Variants in ZBTB20 observed in about 807,000 individuals in gnomAD.
The protein encoded by ZBTB20 is zinc finger and BTB domain-containing protein 20.
In ZBTB20, 9 loss-of-function variants were observed where a neutral mutation model predicts 56.9. The observed-to-expected ratio is 0.16, with a 90% CI of 0.10 to 0.28. ZBTB20 has a LOEUF of 0.28. Ranked by LOEUF, ZBTB20 falls within the 10% of genes least tolerant of loss-of-function variation. ZBTB20 has a pLI of 1.00. For missense variants in ZBTB20, 655 were observed against 1,003.0 expected (o/e 0.65, Z 4.69); for synonymous variants, 417 against 420.7 (o/e 0.99, Z 0.11).
At chr3:114,831,073 A>G (rs1233338047) in intron 4 of ZBTB20, among the ~76,000 whole-genome samples, 4 of 74,510 alleles carry the variant, frequency 5.4e-5, no homozygotes, top group African/African-American at 1.8e-4. Flanking sequence ...TATTTCTCTT[A>G]TGGTTTCTTT....
intron 4 of ZBTB20, among the ~76,000 whole-genome samples, chr3:114,828,181 T>C (rs1214557006): frequency 1.3e-5 from 2 of 151,762 alleles, no homozygotes; most frequent in African/African-American, 4.8e-5. Context: ...ATAGAATAAA[T>C]TTCAATTATT....
At chr3:114,651,594 C>T (rs971221938) in intron 6 of ZBTB20, among the ~76,000 whole-genome samples, 5 of 142,900 alleles carry the variant, frequency 3.5e-5, no homozygotes, top group Admixed American at 2.8e-4. Context: ...AAAGTCCTGA[C>T]ATTCTTTGAA....
intron 7 of ZBTB20, among the ~76,000 whole-genome samples, chr3:114,412,252 C>T (rs1003579692): frequency 6.6e-6 from 1 of 152,146 alleles, no homozygotes; most frequent in Non-Finnish European, 1.5e-5. Flanking sequence ...AAAATGGGAA[C>T]ATGAACAGTT....
chr3:115,105,240 G>C (rs1278522539), intron 1 of ZBTB20, among the ~76,000 whole-genome samples: 1 of 151,878 alleles, frequency 6.6e-6, no homozygotes, highest in African/African-American at 2.4e-5. Context: ...GTCAAGAACT[G>C]TTCTAAGTAC....
At chr3:114,384,214 T>C (rs2084797786) in intron 8 of ZBTB20, among the ~76,000 whole-genome samples, 2 of 151,312 alleles carry the variant, frequency 1.3e-5, no homozygotes, top group African/African-American at 4.9e-5. Flanking sequence ...TACACTCTGA[T>C]GAAGTCGCCC....
At chr3:114,909,408 G>C (rs951803331) in intron 3 of ZBTB20, among the ~76,000 whole-genome samples, 1 of 151,998 alleles carries the variant, frequency 6.6e-6, no homozygotes, top group Non-Finnish European at 1.5e-5. Context: ...TGTTTATAAA[G>C]TAAAACACTT....
chr3:114,982,137 T>C (rs1049391723), intron 2 of ZBTB20, among the ~76,000 whole-genome samples: 19 of 152,138 alleles, frequency 1.2e-4, no homozygotes, highest in South Asian at 2.1e-4. Context: ...TTTTTGGAAA[T>C]AGTTTTCATG....
At chr3:114,945,392 A>G (rs1394649707) in intron 3 of ZBTB20, among the ~76,000 whole-genome samples, 1 of 145,408 alleles carries the variant, frequency 6.9e-6, no homozygotes, top group Non-Finnish European at 1.5e-5. Flanking sequence ...AATAATAAAA[A>G]TAATGTTTTA....
intron 8 of ZBTB20, chr3:114,388,161 T>C (rs2085388364): frequency 6.6e-6 from 1 of 152,184 alleles, no homozygotes; most frequent in Non-Finnish European, 1.5e-5. Context: ...TCATAACATA[T>C]AGGAAAACTT....
At chr3:115,057,898 AAATTT>A (rs1167202184) in intron 2 of ZBTB20, among the ~76,000 whole-genome samples, 1 of 152,216 alleles carries the variant, frequency 6.6e-6, no homozygotes, top group Non-Finnish European at 1.5e-5. Context: ...ATAAAAGAAA[AAATTT>A]AATTGACTCA....
chr3:115,088,240 A>C (rs1333743546), intron 1 of ZBTB20, among the ~76,000 whole-genome samples: 1 of 151,924 alleles, frequency 6.6e-6, no homozygotes, highest in African/African-American at 2.4e-5. Context: ...GAGTATAGGT[A>C]AAGTTCTTCA....
At chr3:114,749,418 C>T (rs573507623) in intron 5 of ZBTB20, among the ~76,000 whole-genome samples, 3 of 151,920 alleles carry the variant, frequency 2.0e-5, no homozygotes, top group Non-Finnish European at 2.9e-5. Context: ...CTGGGTGTGG[C>T]GGTGGATACC....
At chr3:114,908,669 C>T (rs537422025) in intron 3 of ZBTB20, among the ~76,000 whole-genome samples, 28 of 151,924 alleles carry the variant, frequency 1.8e-4, no homozygotes, top group Non-Finnish European at 2.5e-4. Context: ...ATGAAATGTA[C>T]GCATTAAGTT....
intron 7 of ZBTB20, among the ~76,000 whole-genome samples, chr3:114,402,317 T>C (rs2086895823): frequency 6.6e-6 from 1 of 152,142 alleles, no homozygotes; most frequent in South Asian, 2.1e-4. Context: ...CTTATTTGCT[T>C]TTGGAGTACT....
chr3:114,827,620 A>C (rs1175399707), intron 4 of ZBTB20, among the ~76,000 whole-genome samples: 2 of 151,776 alleles, frequency 1.3e-5, no homozygotes, highest in Non-Finnish European at 3.0e-5. Context: ...AATTCTAGAA[A>C]TATAACTGCT....
chr3:114,772,451 G>A (rs568041585), intron 5 of ZBTB20, among the ~76,000 whole-genome samples: 1 of 152,020 alleles, frequency 6.6e-6, no homozygotes, highest in African/African-American at 2.4e-5. Flanking sequence ...AGTATGCTTT[G>A]TAGTGATTAA....
chr3:114,615,284 G>A lies in ZBTB20; in HGVS notation c.-295+78244C>T, dbSNP rs148129127. On this transcript the variant is annotated intron_variant, in intron 6 of 11. Transcript: ENST00000675478. ...ATAAGCATTCAACTCCAATATGATG[G>A]TTTCCTATTTTCAGTTTGAGTAAAT... Among the ~76,000 whole-genome samples the A allele has an allele frequency of 3.3e-4, 50 of 152,206 alleles. No homozygotes were observed. In the East Asian group the frequency reaches 9.6e-3, roughly 29 times the overall value.
At chr3:114,580,171 T>C (rs1045317051) in intron 6 of ZBTB20, among the ~76,000 whole-genome samples, 30 of 151,634 alleles carry the variant, frequency 2.0e-4, no homozygotes, top group Non-Finnish European at 4.1e-4. Context: ...AGAGCAAGAA[T>C]ATTTTTTCCA....
At chr3:115,032,821 G>A (rs149810565) in intron 2 of ZBTB20, among the ~76,000 whole-genome samples, 18 of 150,984 alleles carry the variant, frequency 1.2e-4, no homozygotes, top group African/African-American at 4.3e-4. Flanking sequence ...AGAGATGAAT[G>A]AAAAAGTATT....
Sources: allele counts gnomAD v4.1 joint callset (sites outside exome capture counted in the v4.1 genomes callset), GRCh38; gene constraint gnomAD v4.1.1; transcripts MANE v1.5; gene names NCBI Gene and HGNC (gene_info 2026-07-23, HGNC 2026-07-21).